The following DENND1A variants were observed in gnomAD, a reference collection of about 807,000 sequenced individuals.
The protein encoded by DENND1A is DENN domain-containing protein 1A.
In DENND1A, 51 loss-of-function variants were observed where a neutral mutation model predicts 113.7. The ratio of observed to expected loss-of-function variants is 0.45; its 90% CI spans 0.36 to 0.57. The LOEUF is 0.57. Among genes scored for constraint, DENND1A ranks in the 20% least tolerant of loss-of-function variants. The pLI is 0.00. For missense variants in DENND1A, 1,258 were observed against 1,395.9 expected, an observed-to-expected ratio of 0.90 and a Z score of 1.57; for synonymous variants, 565 against 570.8, an observed-to-expected ratio of 0.99 and a Z score of 0.14.
At position 123,560,210 on chromosome 9, in the gene DENND1A, C is replaced by G. The variant is rs183928270; in HGVS notation, c.868-2515G>C. On this transcript the variant is annotated intron_variant, in intron 12 of 23. Transcript: ENST00000394215. ...AATTTTGAGGTGACAATCTGAAAAGCAAAAATCCTCTGCCAGACCTTATGC... is the reference window on the plus strand; with the variant it reads ...AATTTTGAGGTGACAATCTGAAAAGGAAAAATCCTCTGCCAGACCTTATGC... Among the ~76,000 whole-genome samples the G allele has an allele frequency of 3.1e-4, 47 of 152,252 alleles. No homozygotes were observed. The East Asian group carries it at 8.9e-3, about 29-fold the overall frequency.
At chr9:123,791,068 T>C (rs1301083751) in intron 3 of DENND1A, among the ~76,000 whole-genome samples, 4 of 152,178 alleles carry the variant, frequency 2.6e-5, no homozygotes, top group Non-Finnish European at 5.9e-5. Flanking sequence ...CTTTCAGATA[T>C]AGTAAGAAAC....
chr9:123,670,962 T>C (rs892369957), intron 7 of DENND1A, among the ~76,000 whole-genome samples: 1 of 152,114 alleles, frequency 6.6e-6, no homozygotes, highest in African/African-American at 2.4e-5. Context: ...ACGAGGGTGA[T>C]ACAGGCAGGC....
intron 4 of DENND1A, among the ~76,000 whole-genome samples, chr9:123,765,377 T>C (rs1237569370): frequency 2.6e-5 from 4 of 152,154 alleles, no homozygotes; most frequent in African/African-American, 9.7e-5. Flanking sequence ...AAATTTGTAA[T>C]CTTTTATTAC....
intron 5 of DENND1A, among the ~76,000 whole-genome samples, chr9:123,693,335 A>G (rs2065291670): frequency 6.6e-6 from 1 of 152,220 alleles, no homozygotes; most frequent in South Asian, 2.1e-4. Flanking sequence ...TCTTTTAAAC[A>G]TGCAGTAAAA....
intron 5 of DENND1A, among the ~76,000 whole-genome samples, chr9:123,700,099 C>T (rs921385439): frequency 3.3e-5 from 5 of 152,260 alleles, no homozygotes; most frequent in East Asian, 1.9e-4. Flanking sequence ...TCTACTAATC[C>T]GTATGGTCTA....
intron 2 of DENND1A, among the ~76,000 whole-genome samples, chr9:123,851,785 T>C (rs1843402175): frequency 6.6e-6 from 1 of 152,194 alleles, no homozygotes; most frequent in African/African-American, 2.4e-5. Flanking sequence ...TAGCCTGGAC[T>C]GAAAGGAACA....
chr9:123,824,108 C>G (rs997875001), intron 2 of DENND1A, among the ~76,000 whole-genome samples: 1 of 152,112 alleles, frequency 6.6e-6, no homozygotes, highest in African/African-American at 2.4e-5. Context: ...TGATAATTCT[C>G]ATTATCACCA....
At chr9:123,512,805 G>A (rs888207059) in intron 13 of DENND1A, among the ~76,000 whole-genome samples, 1 of 152,232 alleles carries the variant, frequency 6.6e-6, no homozygotes, top group African/African-American at 2.4e-5. Flanking sequence ...GCTGGTAATG[G>A]TTGAAATTCC....
Position 123,845,670 on chromosome 9 carries a change from C to CAAAAAAAAAAAAAAA in DENND1A, c.88+33266_88+33280dup, listed in dbSNP as rs555731367. Among the ~76,000 whole-genome samples the CAAAAAAAAAAAAAAA allele has an allele frequency of 2.4e-3, 107 of 44,064 alleles. 1 individual carries two copies. The highest frequency in any genetic ancestry group is 6.5e-3 in the African/African-American group (84 of 12,898). The allele number at this position is 44,064 out of a possible 152,430, so 28.9% of individuals were successfully genotyped here. ...GGGTGACCAAGTGAGAACCTGTCTCCAAAAAAAAAAAAAAAAAAAAAAAAA... is the reference window on the plus strand; with the variant it reads ...GGGTGACCAAGTGAGAACCTGTCTCCAAAAAAAAAAAAAAAAAAAAAAAAAAAAAAAAAAAAAAAA... On this transcript the variant is annotated intron_variant, in intron 2 of 23. Transcript: ENST00000394215.
chr9:123,701,244 A>G (rs1200639141), intron 5 of DENND1A, among the ~76,000 whole-genome samples: 3 of 152,230 alleles, frequency 2.0e-5, no homozygotes, highest in Non-Finnish European at 4.4e-5. Context: ...ACACAGAAAC[A>G]TCAATTTAAA....
At chr9:123,642,408 A>C (rs1430530176) in intron 9 of DENND1A, among the ~76,000 whole-genome samples, 1 of 152,252 alleles carries the variant, frequency 6.6e-6, no homozygotes, top group African/African-American at 2.4e-5. Flanking sequence ...GTTTGGCTGC[A>C]AAGCCTCTAT....
chr9:123,920,607 T>C (rs945121488), intron 1 of DENND1A, among the ~76,000 whole-genome samples: 1 of 152,202 alleles, frequency 6.6e-6, no homozygotes, highest in Non-Finnish European at 1.5e-5. Context: ...TTGCCCAAGC[T>C]AGAGTACAGT....
At chr9:123,785,458 G>A (rs1053684033) in intron 3 of DENND1A, among the ~76,000 whole-genome samples, 4 of 151,720 alleles carry the variant, frequency 2.6e-5, no homozygotes, top group Non-Finnish European at 5.9e-5. Flanking sequence ...GTAACAACAC[G>A]GGGAAAAATA....
rs1177578951 is a variant in DENND1A at position 123,381,775 on chromosome 9, AAGAGGTTGGGCATGGAGAGGGCGG to A, written c.2846_2869del (p.Ser949_Leu956del). The A allele has an allele frequency of 7.9e-6, 12 of 1,514,042 alleles. No homozygotes were observed. The highest frequency in any genetic ancestry group is 2.5e-5 in the East Asian group (1 of 40,724). The allele number at this position is 1,514,042 out of a possible 1,614,324, so 93.8% of individuals were successfully genotyped here. On this transcript the variant is annotated inframe_deletion, in exon 24 of 24. Transcript: ENST00000394215. The surrounding 1 kb of genome is among the most constrained non-coding windows in gnomAD (Gnocchi z 4.7). The stretch of plus-strand genomic sequence containing the variant: ...GTGGGTGCCCATGGGCATCTGGCCA[AAGAGGTTGGGCATGGAGAGGGCGG>A]AGAGGTTGGGCTGAGACCTGTGAGG...
intron 1 of DENND1A, among the ~76,000 whole-genome samples, chr9:123,889,515 T>G (rs892631762): frequency 2.0e-5 from 3 of 151,574 alleles, no homozygotes; most frequent in East Asian, 1.9e-4. Context: ...ATCCAGAAAA[T>G]AGGGAACTAT....
At chr9:123,583,076 C>T (rs1224343005) in intron 12 of DENND1A, 93 bp downstream of exon 12, 37 of 923,876 alleles carry the variant, frequency 4.0e-5, no homozygotes, top group Middle Eastern at 3.4e-4. Context: ...GGAAAACCCT[C>T]GCTATTTCCC....
chr9:123,871,621 A>AT (rs921776408), intron 2 of DENND1A, among the ~76,000 whole-genome samples: 16 of 151,720 alleles, frequency 1.1e-4, no homozygotes, highest in African/African-American at 2.2e-4. Context: ...CTAAGCAAAG[A>AT]TTTTTTTTTA....
chr9:123,435,277 A>G lies in DENND1A; in HGVS notation c.1488+5083T>C, dbSNP rs75927416. On this transcript the variant is annotated intron_variant, in intron 19 of 23. Coordinates refer to ENST00000394215, the MANE Select transcript of DENND1A (RefSeq NM_001352964.2). Reference sequence around the variant, plus strand: ...CAAGGGTGCTGAGAAGGCATTTGCTAGCTCGGCATCTTCTCCAGCCTAGCA... The same window carrying G: ...CAAGGGTGCTGAGAAGGCATTTGCTGGCTCGGCATCTTCTCCAGCCTAGCA... Among the ~76,000 whole-genome samples, 1,334 of 152,306 alleles carry G rather than the reference A, an allele frequency of 8.8e-3. 14 individuals are homozygous for G. The highest frequency in any genetic ancestry group is 0.016 in the Non-Finnish European group (1,086 of 68,018).
chr9:123,564,928 C>T (rs2057964662), intron 12 of DENND1A, among the ~76,000 whole-genome samples: 1 of 147,262 alleles, frequency 6.8e-6, no homozygotes, highest in African/African-American at 2.5e-5. Context: ...TAGGGACACA[C>T]AACAATGTAT....
Sources: allele counts gnomAD v4.1 joint callset (sites outside exome capture counted in the v4.1 genomes callset), GRCh38; gene constraint gnomAD v4.1.1; non-coding constraint Gnocchi (gnomAD v3.1); transcripts MANE v1.5; gene names NCBI Gene and HGNC (gene_info 2026-07-23, HGNC 2026-07-21).